Variants in EPB41L4A observed in about 807,000 individuals in gnomAD.
The protein encoded by EPB41L4A is band 4.1-like protein 4A.
EPB41L4A carries 100 observed loss-of-function variants against 108.6 expected under a neutral mutation model. The ratio of observed to expected loss-of-function variants is 0.92; its 90% confidence interval spans 0.78 to 1.09. The LOEUF is 1.09. Among genes scored for constraint, EPB41L4A ranks in the 50% least tolerant of loss-of-function variants. EPB41L4A has a pLI of 0.00. For missense variants in EPB41L4A, 1,030 were observed against 842.7 expected (o/e 1.22, Z -2.75); for synonymous variants, 319 against 289.0 (o/e 1.10, Z -1.05).
chr5:112,230,906 C>A (rs188430454), intron 12 of EPB41L4A, among the ~76,000 whole-genome samples: 1 of 152,178 alleles, frequency 6.6e-6, no homozygotes, highest in Admixed American at 6.5e-5. Context: ...CTGGGTGGCA[C>A]AGTGAGACTC....
At chr5:112,355,488 G>T (rs193002652) in intron 1 of EPB41L4A, among the ~76,000 whole-genome samples, 19 of 152,266 alleles carry the variant, frequency 1.2e-4, no homozygotes, top group African/African-American at 4.3e-4. Context: ...AGCGCTAAAT[G>T]TGTTTATCTA....
intron 1 of EPB41L4A, among the ~76,000 whole-genome samples, chr5:112,357,572 G>A (rs1044517455): frequency 2.6e-5 from 4 of 152,202 alleles, no homozygotes; most frequent in Admixed American, 2.6e-4. Context: ...CTGGTACCAA[G>A]CAAAAGTGGA....
At chr5:112,143,636 G>A (rs1759143438) in exon 14 of EPB41L4A, 2 of 204,932 alleles carry the variant, frequency 9.8e-6, no homozygotes, top group Non-Finnish European at 2.1e-5. Context: ...TTGCAGACAG[G>A]CTTTCTCTAC....
At chr5:112,142,021 G>C (rs1014004494), downstream of EPB41L4A, among the ~76,000 whole-genome samples, 1 of 152,164 alleles carries the variant, frequency 6.6e-6, no homozygotes, top group Non-Finnish European at 1.5e-5. Flanking sequence ...AATTATTTTT[G>C]TAGAAGCACA....
intron 17 of EPB41L4A, among the ~76,000 whole-genome samples, chr5:112,190,296 T>C (rs187081176): frequency 4.5e-4 from 68 of 152,314 alleles, no homozygotes; most frequent in African/African-American, 1.4e-3. Flanking sequence ...ATGATAAAAC[T>C]TTGTAAGTTT....
intron 1 of EPB41L4A, among the ~76,000 whole-genome samples, chr5:112,411,498 C>T (rs1762410747): frequency 6.6e-6 from 1 of 152,040 alleles, no homozygotes; most frequent in Admixed American, 6.6e-5. Flanking sequence ...ATCATACATA[C>T]TAATAGCTAT....
chr5:112,326,264 C>T (rs1394327043), intron 1 of EPB41L4A, among the ~76,000 whole-genome samples: 1 of 151,960 alleles, frequency 6.6e-6, no homozygotes, highest in Non-Finnish European at 1.5e-5. Context: ...GTCGGTGCCC[C>T]CAATCCACCT....
At chr5:112,347,604 TTTAA>T (rs1204218575) in intron 1 of EPB41L4A, among the ~76,000 whole-genome samples, 1 of 152,212 alleles carries the variant, frequency 6.6e-6, no homozygotes, top group African/African-American at 2.4e-5. Context: ...TCATGCAGCT[TTTAA>T]TTATTCACCC....
intron 2 of EPB41L4A, among the ~76,000 whole-genome samples, chr5:112,281,496 G>A (rs894562543): frequency 6.6e-6 from 1 of 152,182 alleles, no homozygotes; most frequent in Non-Finnish European, 1.5e-5. Context: ...GGTCAGGGGA[G>A]GGCAGAGATG....
intron 9 of EPB41L4A, among the ~76,000 whole-genome samples, chr5:112,245,751 G>C (rs1047321812): frequency 7.2e-5 from 11 of 152,154 alleles, no homozygotes; most frequent in African/African-American, 2.7e-4. Flanking sequence ...ACTCACACAG[G>C]TGATCTCACC....
At chr5:112,336,803 C>T (rs897324563) in intron 1 of EPB41L4A, among the ~76,000 whole-genome samples, 2 of 152,264 alleles carry the variant, frequency 1.3e-5, no homozygotes, top group Non-Finnish European at 2.9e-5. Context: ...TCAGAATTGA[C>T]AAATGTCCTA....
intron 1 of EPB41L4A, among the ~76,000 whole-genome samples, chr5:112,356,181 C>A (rs942253464): frequency 6.6e-6 from 1 of 152,120 alleles, no homozygotes; most frequent in East Asian, 1.9e-4. Context: ...CAATGGCTCC[C>A]TGACGATGGA....
intron 12 of EPB41L4A, among the ~76,000 whole-genome samples, chr5:112,156,829 A>G (rs1440127777): frequency 6.6e-6 from 1 of 152,202 alleles, no homozygotes; most frequent in African/African-American, 2.4e-5. Flanking sequence ...TAGCAGTACA[A>G]TCCTGAAGAC....
At chr5:112,297,757 T>C (rs1244171662) in intron 2 of EPB41L4A, among the ~76,000 whole-genome samples, 1 of 152,226 alleles carries the variant, frequency 6.6e-6, no homozygotes, top group Non-Finnish European at 1.5e-5. Context: ...AGAATTTTTA[T>C]AGTTTTAAGT....
downstream of EPB41L4A, chr5:112,161,517 A>G (rs1039626960): frequency 3.9e-6 from 2 of 519,078 alleles, no homozygotes; most frequent in Non-Finnish European, 7.7e-6. Context: ...TTTGGAAACT[A>G]GTGAATGTGG....
At chr5:112,179,063 G>A (rs4958003) in intron 18 of EPB41L4A, among the ~76,000 whole-genome samples, 114,283 of 151,394 alleles carry the variant, frequency 0.75, 43,535 homozygotes, top group East Asian at 1. Flanking sequence ...AAAGCACAGG[G>A]AGAATTATAA....
chr5:112,241,727 G>A (rs954061077), intron 9 of EPB41L4A, among the ~76,000 whole-genome samples: 6 of 152,098 alleles, frequency 3.9e-5, no homozygotes, highest in Admixed American at 3.3e-4. Context: ...GGATTTGGGA[G>A]GAAGGTTTCT....
intron 12 of EPB41L4A, among the ~76,000 whole-genome samples, chr5:112,220,129 T>C (rs989946774): frequency 1.3e-5 from 2 of 152,222 alleles, no homozygotes; most frequent in Non-Finnish European, 2.9e-5. Flanking sequence ...TACTTTTATT[T>C]TGATTTTCGA....
At chr5:112,238,479 T>G (rs1749524067) in intron 11 of EPB41L4A, among the ~76,000 whole-genome samples, 1 of 152,236 alleles carries the variant, frequency 6.6e-6, no homozygotes, top group Non-Finnish European at 1.5e-5. Flanking sequence ...TATTCATTAC[T>G]CTTTTACTGA....
Sources: allele counts gnomAD v4.1 joint callset (sites outside exome capture counted in the v4.1 genomes callset), GRCh38; gene constraint gnomAD v4.1.1; transcripts MANE v1.5; gene names NCBI Gene and HGNC (gene_info 2026-07-23, HGNC 2026-07-21).